The following AGBL4 variants were observed in gnomAD, a reference collection of about 807,000 sequenced individuals.
The protein encoded by AGBL4 is AGBL carboxypeptidase 4.
AGBL4 carries 58 observed loss-of-function variants against 66.4 expected under a neutral mutation model. The observed-to-expected ratio is 0.87, with a 90% CI of 0.71 to 1.09. The LOEUF is 1.09. Ranked by LOEUF, AGBL4 falls within the 50% of genes least tolerant of loss-of-function variation. AGBL4 has a pLI of 0.00. For synonymous variants in AGBL4, 234 were observed against 222.9 expected, an observed-to-expected ratio of 1.05 and a Z score of -0.44; for missense variants, 579 against 631.0, an observed-to-expected ratio of 0.92 and a Z score of 0.88.
chr1:49,007,985 C>A (rs548846345), intron 5 of AGBL4, among the ~76,000 whole-genome samples: 41 of 152,152 alleles, frequency 2.7e-4, no homozygotes, highest in Non-Finnish European at 5.0e-4. Context: ...AGCAAAATAA[C>A]CAGCTAACAT....
At chr1:48,825,179 ATTCTC>A (rs1369429346) in intron 6 of AGBL4, among the ~76,000 whole-genome samples, 1 of 152,128 alleles carries the variant, frequency 6.6e-6, no homozygotes, top group African/African-American at 2.4e-5. Flanking sequence ...CACAAACACA[ATTCTC>A]TTCGCTTCCT....
chr1:49,283,275 C>G (rs540830234), intron 3 of AGBL4, among the ~76,000 whole-genome samples: 1 of 152,288 alleles, frequency 6.6e-6, no homozygotes, highest in Admixed American at 6.5e-5. Flanking sequence ...ACACCTCACA[C>G]GGCAGGGTAT....
chr1:48,634,717 C>T, intron 8 of AGBL4, 113 bp from the exon 9 acceptor site: 1 of 683,420 alleles, frequency 1.5e-6, no homozygotes, highest in Non-Finnish European at 2.4e-6. Flanking sequence ...TAGCATTTAT[C>T]ATTTTCCAGA....
At chr1:49,735,656 A>G (rs1253142905) in intron 2 of AGBL4, among the ~76,000 whole-genome samples, 8 of 152,112 alleles carry the variant, frequency 5.3e-5, no homozygotes, top group South Asian at 2.1e-4. Context: ...CACACCTAAC[A>G]TAAGAGCTAC....
chr1:48,571,039 C>T (rs906727912), intron 11 of AGBL4, among the ~76,000 whole-genome samples: 2 of 152,104 alleles, frequency 1.3e-5, no homozygotes, highest in Non-Finnish European at 2.9e-5. Flanking sequence ...AATTGTAAGG[C>T]GTAATAATAG....
rs530653268 is a variant in AGBL4, at chr1:49,484,870, A to G, written c.282+212443T>C. On this transcript the variant is annotated intron_variant, in intron 3 of 13. Coordinates refer to ENST00000371839, the MANE Select transcript of AGBL4 (RefSeq NM_032785.4). Reference sequence around the variant, plus strand: ...AACATCTCATTTAATTCATAAATATATATATACACTATGTACCCACAAAAG... The same window carrying G: ...AACATCTCATTTAATTCATAAATATGTATATACACTATGTACCCACAAAAG... 3.9e-5 allele frequency among the ~76,000 whole-genome samples: 6 copies of G among 152,132 alleles called. No individual in the cohort carries two copies. In the East Asian group the frequency reaches 9.7e-4, roughly 25 times the overall value.
intron 4 of AGBL4, among the ~76,000 whole-genome samples, chr1:49,117,485 C>T (rs972709574): frequency 3.9e-5 from 6 of 152,082 alleles, no homozygotes; most frequent in Non-Finnish European, 8.8e-5. Flanking sequence ...GAATCCTTTC[C>T]CCACTGCTTG....
chr1:48,997,540 C>T (rs1398253426), intron 5 of AGBL4, among the ~76,000 whole-genome samples: 1 of 152,100 alleles, frequency 6.6e-6, no homozygotes, highest in Non-Finnish European at 1.5e-5. Flanking sequence ...GCTGAGTGAT[C>T]CAATTATCAA....
At chr1:49,332,880 C>T (rs1645362080) in intron 3 of AGBL4, among the ~76,000 whole-genome samples, 1 of 152,282 alleles carries the variant, frequency 6.6e-6, no homozygotes, top group African/African-American at 2.4e-5. Flanking sequence ...ACACTCCCAC[C>T]AACAGTGTAA....
chr1:48,637,855 G>A (rs1408157854), intron 8 of AGBL4, among the ~76,000 whole-genome samples: 2 of 152,170 alleles, frequency 1.3e-5, no homozygotes, highest in African/African-American at 4.8e-5. Flanking sequence ...AATTCTGGCA[G>A]GCCCCTATAT....
intron 6 of AGBL4, among the ~76,000 whole-genome samples, chr1:48,788,591 A>G (rs1400608634): frequency 6.6e-6 from 1 of 152,202 alleles, no homozygotes; most frequent in Non-Finnish European, 1.5e-5. Flanking sequence ...AGTGTTCTCA[A>G]TCATAAAAAA....
chr1:48,887,958 G>A (rs899336389), intron 5 of AGBL4, among the ~76,000 whole-genome samples: 3 of 152,164 alleles, frequency 2.0e-5, no homozygotes, highest in Admixed American at 2.0e-4. Context: ...ATCAGACTGG[G>A]ATTTTTCTAA....
chr1:49,726,033 G>C (rs1415971434), intron 2 of AGBL4, among the ~76,000 whole-genome samples: 1 of 152,076 alleles, frequency 6.6e-6, no homozygotes, highest in East Asian at 1.9e-4. Context: ...TCTGAGGGCT[G>C]GTGGGGGTTG....
intron 3 of AGBL4, among the ~76,000 whole-genome samples, chr1:49,542,083 T>C (rs1264452258): frequency 6.6e-6 from 1 of 152,172 alleles, no homozygotes; most frequent in Non-Finnish European, 1.5e-5. Flanking sequence ...TGTGTCTAGC[T>C]CAGGGATTGT....
chr1:49,810,994 G>A (rs1342186353), intron 2 of AGBL4, among the ~76,000 whole-genome samples: 1 of 152,070 alleles, frequency 6.6e-6, no homozygotes, highest in African/African-American at 2.4e-5. Flanking sequence ...TAAACCAGCA[G>A]GACTTAGTTA....
intron 9 of AGBL4, among the ~76,000 whole-genome samples, chr1:48,595,851 A>G (rs948704949): frequency 3.9e-5 from 6 of 152,154 alleles, no homozygotes; most frequent in Non-Finnish European, 7.3e-5. Context: ...TATCCTTCAC[A>G]TTTCGGCAGC....
intron 3 of AGBL4, among the ~76,000 whole-genome samples, chr1:49,563,018 C>T (rs2148856954): frequency 6.6e-6 from 1 of 152,134 alleles, no homozygotes; most frequent in African/African-American, 2.4e-5. Flanking sequence ...TTGAAGAGGT[C>T]CTTCACATCC....
intron 3 of AGBL4, among the ~76,000 whole-genome samples, chr1:49,694,609 C>T (rs180911618): frequency 1.5e-4 from 23 of 152,208 alleles, no homozygotes; most frequent in Admixed American, 7.2e-4. Context: ...ACAAAACAGA[C>T]CCAACTCTCT....
At chr1:48,898,684 G>C (rs1341951064) in intron 5 of AGBL4, among the ~76,000 whole-genome samples, 1 of 152,050 alleles carries the variant, frequency 6.6e-6, no homozygotes, top group Non-Finnish European at 1.5e-5. Flanking sequence ...TGTTGTTTTA[G>C]GTATTAGAGC....
Sources: gnomAD v4.1 joint callset for allele counts (sites outside exome capture counted in the v4.1 genomes callset) on GRCh38, gnomAD v4.1.1 for gene constraint, MANE v1.5 for transcripts, NCBI Gene and HGNC (gene_info 2026-07-23, HGNC 2026-07-21) for gene names.